Variants in ANTXR1 observed in about 807,000 individuals in gnomAD.
ANTXR1 encodes anthrax toxin receptor 1.
Under a neutral mutation model 78.1 loss-of-function variants are expected in ANTXR1, and 19 were observed. The ratio of observed to expected loss-of-function variants is 0.24; its 90% CI spans 0.17 to 0.36. The LOEUF is 0.36. Among genes scored for constraint, ANTXR1 ranks in the 10% least tolerant of loss-of-function variants. The probability of loss-of-function intolerance (pLI) is 1.00; values close to 1 mark genes in which losing one functional copy is unlikely to be tolerated. For missense variants in ANTXR1, 518 were observed against 718.6 expected (o/e 0.72, Z 3.19); for synonymous variants, 273 against 260.5 (o/e 1.05, Z -0.46).
intron 6 of ANTXR1, 24 bp from the exon 7 acceptor site, chr2:69,075,566 A>T: frequency 6.2e-7 from 1 of 1,611,568 alleles, no homozygotes; most frequent in East Asian, 2.2e-5. Flanking sequence ...TCTCTTTCTA[A>T]TGTCCTTTCT....
intron 3 of ANTXR1, among the ~76,000 whole-genome samples, chr2:69,049,113 T>C (rs1196564158): frequency 6.6e-6 from 1 of 152,128 alleles, no homozygotes; most frequent in African/African-American, 2.4e-5. Flanking sequence ...CTGGTGAACC[T>C]ATAGTTTGTG....
chr2:69,187,585 C>CTTTTTTTTTTT (rs58660678), intron 16 of ANTXR1, among the ~76,000 whole-genome samples: 13 of 94,898 alleles, frequency 1.4e-4, no homozygotes, highest in East Asian at 3.2e-4. Flanking sequence ...TCATGTATTT[C>CTTTTTTTTTTT]TTTTTTTTTT....
rs200270299 is a variant in ANTXR1, at chr2:69,152,281, T to G, written c.1047+17T>G. ...TGCACTGTGGTAAGTGCCCCAAACC[T>G]CAGGCCATGCAAGGTGAAGGGTGAC... On this transcript the variant is annotated intron_variant, in intron 13 of 17. Transcript: ENST00000303714. 2 of 1,612,218 alleles carry G rather than the reference T, an allele frequency of 1.2e-6. No homozygotes were observed. Among genetic ancestry groups the G allele is most frequent in the Admixed American group, 3.3e-5 (2 of 60,022 alleles).
chr2:69,116,640 C>A (rs1321225980), intron 10 of ANTXR1, among the ~76,000 whole-genome samples: 1 of 152,180 alleles, frequency 6.6e-6, no homozygotes, highest in African/African-American at 2.4e-5. Flanking sequence ...CTAACCTCCA[C>A]TGTTTTTCCC....
At chr2:69,127,238 G>A (rs1210103425) in intron 12 of ANTXR1, among the ~76,000 whole-genome samples, 2 of 152,184 alleles carry the variant, frequency 1.3e-5, no homozygotes, top group Non-Finnish European at 2.9e-5. Flanking sequence ...TGTAAATAGA[G>A]TAATGGATAC....
At chr2:69,060,850 T>C (rs981507085) in intron 3 of ANTXR1, among the ~76,000 whole-genome samples, 1 of 152,128 alleles carries the variant, frequency 6.6e-6, no homozygotes, top group Non-Finnish European at 1.5e-5. Flanking sequence ...TAAATAAAAA[T>C]ATTTTGATAA....
chr2:69,162,928 C>T (rs577715474), intron 13 of ANTXR1, among the ~76,000 whole-genome samples: 4 of 151,976 alleles, frequency 2.6e-5, no homozygotes, highest in African/African-American at 9.6e-5. Context: ...ATTAGGTTGG[C>T]GCAAAAGTAA....
At chr2:69,057,007 G>T (rs1670087932) in intron 3 of ANTXR1, among the ~76,000 whole-genome samples, 1 of 152,054 alleles carries the variant, frequency 6.6e-6, no homozygotes, top group Non-Finnish European at 1.5e-5. Context: ...TGGTCATATT[G>T]TGTGTATTTT....
chr2:69,107,395 A>G lies in ANTXR1; in HGVS notation c.802+4455A>G, dbSNP rs185468736. 3.0e-3 allele frequency among the ~76,000 whole-genome samples: 463 copies of G among 152,088 alleles called. 4 individuals carry two copies. The highest frequency in any genetic ancestry group is 5.0e-3 in the Non-Finnish European group (338 of 68,000). ...GCTAGGACCACAGATGTGAGCCACC[A>G]CACCTGGCTAATTTTTGTATTTTTT... is the stretch of plus-strand genomic sequence containing the variant. On this transcript the variant is annotated intron_variant, in intron 10 of 17. Transcript: ENST00000303714.
In ANTXR1 at chr2:69,175,281, C is replaced by T. The variant is rs141945461; in HGVS notation, c.1089+4992C>T. Among the ~76,000 whole-genome samples, 303 of 152,316 alleles carry T rather than the reference C, an allele frequency of 2.0e-3. 2 individuals carry two copies. The highest frequency in any genetic ancestry group is 6.8e-3 in the Middle Eastern group (2 of 294). On this transcript the variant is annotated intron_variant, in intron 14 of 17. Transcript: ENST00000303714. ...TTTCCCGCCTGTCTTCTCTTTCATG[C>T]TCCCATGTCACCATGTCTCATCATG...
chr2:69,166,000 T>C (rs1000008474), intron 13 of ANTXR1, among the ~76,000 whole-genome samples: 2 of 152,252 alleles, frequency 1.3e-5, no homozygotes, highest in Non-Finnish European at 2.9e-5. Flanking sequence ...ACTTAATTCA[T>C]AAAACCAAAA....
rs1676053245 is a variant in ANTXR1, at chr2:69,247,685, C to CA, written c.*2201dup. Reference sequence around the variant, plus strand: ...GTTCCCCAGGCTCACAGTGTAGAGACATTGAGCCCATCACAACTGTTTTGA... The same window carrying CA: ...GTTCCCCAGGCTCACAGTGTAGAGACAATTGAGCCCATCACAACTGTTTTGA... On this transcript the variant is annotated 3_prime_UTR_variant, in exon 18 of 18. Transcript: ENST00000303714. 6.6e-6 allele frequency: 1 copy of CA among 152,442 alleles called. No individual in the cohort carries two copies. The highest frequency in any genetic ancestry group is 2.1e-4 in the South Asian group (1 of 4,824). The allele number at this position is 152,442 out of a possible 1,614,324, so 9.4% of individuals were successfully genotyped here.
In ANTXR1 at chr2:69,113,004, G is replaced by A. The variant is rs182713857; in HGVS notation, c.803-10013G>A. 2.6e-5 allele frequency among the ~76,000 whole-genome samples: 4 copies of A among 152,320 alleles called. No individual in the cohort carries two copies. In the East Asian group the frequency reaches 5.8e-4, roughly 22 times the overall value. On this transcript the variant is annotated intron_variant, in intron 10 of 17. Coordinates refer to ENST00000303714, the MANE Select transcript of ANTXR1 (RefSeq NM_032208.3). Reference sequence around the variant, plus strand: ...TTTATTCTGGGGGTGAGTTGACACAGTCCAAAGTTAGCTGCACCAGTCCCT... The same window carrying A: ...TTTATTCTGGGGGTGAGTTGACACAATCCAAAGTTAGCTGCACCAGTCCCT...
chr2:69,207,207 CTT>C (rs1398208786), intron 17 of ANTXR1, among the ~76,000 whole-genome samples: 1 of 152,206 alleles, frequency 6.6e-6, no homozygotes, highest in Non-Finnish European at 1.5e-5. Flanking sequence ...AACACATAGA[CTT>C]TGGATAACTT....
intron 16 of ANTXR1, 81 bp from the exon 17 acceptor site, chr2:69,193,254 C>A: frequency 1.7e-6 from 2 of 1,149,838 alleles, no homozygotes; most frequent in Non-Finnish European, 2.6e-6. Flanking sequence ...ACTGAAGAAG[C>A]ACGGAAAGTT....
At chr2:69,110,195 G>C (rs1671934315) in intron 10 of ANTXR1, among the ~76,000 whole-genome samples, 1 of 152,158 alleles carries the variant, frequency 6.6e-6, no homozygotes, top group Non-Finnish European at 1.5e-5. Context: ...TCATCAGTGA[G>C]AGACCATTAA....
chr2:69,082,460 T>G (rs1670925744), intron 8 of ANTXR1, among the ~76,000 whole-genome samples: 1 of 152,146 alleles, frequency 6.6e-6, no homozygotes, highest in Non-Finnish European at 1.5e-5. Context: ...CTGTGCCTTC[T>G]CATATTGTGG....
At chr2:69,212,392 G>A (rs992095639) in intron 17 of ANTXR1, among the ~76,000 whole-genome samples, 40 of 152,108 alleles carry the variant, frequency 2.6e-4, no homozygotes, top group African/African-American at 6.3e-4. Flanking sequence ...GAGGTTCTGC[G>A]TATATGACCA....
chr2:69,049,015 A>G (rs2104108657), intron 3 of ANTXR1, among the ~76,000 whole-genome samples: 1 of 152,062 alleles, frequency 6.6e-6, no homozygotes, highest in East Asian at 1.9e-4. Context: ...AATTGTCAAC[A>G]TTTTTTTCCC....
Sources: gnomAD v4.1 joint callset for allele counts (sites outside exome capture counted in the v4.1 genomes callset) on GRCh38, gnomAD v4.1.1 for gene constraint, MANE v1.5 for transcripts, NCBI Gene and HGNC (gene_info 2026-07-23, HGNC 2026-07-21) for gene names.